STX16: variants seen among roughly 807,000 people sequenced by gnomAD.
The protein encoded by STX16 is syntaxin 16.
STX16 carries 28 observed loss-of-function variants against 42.7 expected under a neutral mutation model. The observed-to-expected ratio is 0.66, with a 90% CI of 0.49 to 0.90. The LOEUF is 0.90. Ranked by LOEUF, STX16 falls within the 40% of genes least tolerant of loss-of-function variation. The pLI is 0.00. For missense variants in STX16, 361 were observed against 420.9 expected (o/e 0.86, Z 1.24); for synonymous variants, 156 against 155.2 (o/e 1.00, Z -0.04).
intron 6 of STX16, 43 bp from the exon 7 acceptor site, chr20:58,671,111 A>T: frequency 6.4e-7 from 1 of 1,551,516 alleles, no homozygotes. Flanking sequence ...CTTTCCTGAG[A>T]GGGAAAACAA....
intron 2 of STX16, among the ~76,000 whole-genome samples, chr20:58,663,000 T>G (rs953630087): frequency 3.9e-5 from 6 of 152,240 alleles, no homozygotes; most frequent in African/African-American, 1.2e-4. Context: ...AGCCTAATTG[T>G]CTATTAGCGA....
intron 2 of STX16, 31 bp from the exon 3 acceptor site, chr20:58,667,459 A>AT: frequency 1.3e-6 from 2 of 1,582,750 alleles, no homozygotes; most frequent in Non-Finnish European, 1.7e-6. Context: ...GATTAGAATA[A>AT]TTTTTTTCAT....
intron 1 of STX16, 104 bp from the exon 2 acceptor site, chr20:58,659,519 T>A: frequency 8.7e-7 from 1 of 1,155,034 alleles, no homozygotes; most frequent in Non-Finnish European, 1.2e-6. Context: ...AAAATCTCAG[T>A]GTTTTCTCAA....
At chr20:58,656,991 CTG>C (rs1474602040) in intron 1 of STX16, among the ~76,000 whole-genome samples, 1 of 152,214 alleles carries the variant, frequency 6.6e-6, no homozygotes, top group Non-Finnish European at 1.5e-5. Flanking sequence ...TGGCTGGGGG[CTG>C]TGATTGGAAC....
chr20:58,669,698 C>T (rs1467036941), intron 5 of STX16, among the ~76,000 whole-genome samples: 2 of 152,110 alleles, frequency 1.3e-5, no homozygotes, highest in East Asian at 3.8e-4. Context: ...TCTCAGCAAA[C>T]AAAATTTGTT....
At chr20:58,659,086 C>T (rs980376562) in intron 1 of STX16, among the ~76,000 whole-genome samples, 3 of 152,220 alleles carry the variant, frequency 2.0e-5, no homozygotes, top group Non-Finnish European at 2.9e-5. Context: ...TATGTGGTCA[C>T]TCACATGTTA....
intron 3 of STX16, 28 bp downstream of exon 3, chr20:58,667,625 C>T: frequency 6.3e-7 from 1 of 1,582,176 alleles, no homozygotes; most frequent in Non-Finnish European, 8.7e-7. Context: ...TTCATAGCAT[C>T]TTGTTTTTTT....
In STX16 at chr20:58,651,751, G is replaced by C. The variant is rs1339323284; in HGVS notation, c.-256G>C. 1.9e-5 allele frequency: 8 copies of C among 427,708 alleles called. No individual in the cohort carries two copies. The East Asian group carries it at 3.6e-4, about 19-fold the overall frequency. 26.5% of individuals were successfully genotyped at this position (427,708 alleles called of 1,614,324 possible). A position where few individuals can be genotyped will look rare whatever the true frequency, so the allele number is the denominator to read the frequency against. ...TGGATCGCTACGCAAGGATTGGGGG[G>C]ATTCAAGTGCTTAGAGATCGAAGTC... On this transcript the variant is annotated 5_prime_UTR_variant, in exon 1 of 9. Coordinates refer to ENST00000371141, the MANE Select transcript of STX16 (RefSeq NM_001001433.3).
chr20:58,677,729 C>T lies in STX16; in HGVS notation c.*1438C>T, dbSNP rs1009091467. On this transcript the variant is annotated 3_prime_UTR_variant, in exon 9 of 9. Transcript: ENST00000371141. ...TTTGGACCAGTCACACAAAATGTCT[C>T]TCTAGAGTTGACTTTAAAGTTGTTT... 6.6e-6 allele frequency: 1 copy of T among 152,216 alleles called. No homozygotes were observed. The highest frequency in any genetic ancestry group is 2.4e-5 in the African/African-American group (1 of 41,460). 9.4% of individuals were successfully genotyped at this position (152,216 alleles called of 1,614,324 possible).
intron 2 of STX16, among the ~76,000 whole-genome samples, chr20:58,666,618 C>T (rs1011284971): frequency 3.3e-5 from 5 of 152,016 alleles, no homozygotes; most frequent in South Asian, 2.1e-4. Context: ...TAGTAGAGAA[C>T]GGTTTTCACC....
At position 58,668,252 on chromosome 20, in the gene STX16, T is replaced by G. The variant is rs143157253; in HGVS notation, c.393+125T>G. The G allele has an allele frequency of 8.0e-4, 1,022 of 1,274,396 alleles. 2 individuals are homozygous for G. The African/African-American group carries it at 0.013, about 16-fold the overall frequency. 78.9% of individuals were successfully genotyped at this position (1,274,396 alleles called of 1,614,324 possible). On this transcript the variant is annotated intron_variant, in intron 4 of 8. Coordinates refer to ENST00000371141, the MANE Select transcript of STX16 (RefSeq NM_001001433.3). ...CCAACCTGAAGTTCTCAGAGGGACC[T>G]CAAGAGGCCCTGAAGTCCTCCAGCT...
chr20:58,670,628 A>C (rs1249321876), intron 6 of STX16, 25 bp downstream of exon 6: 9 of 1,593,950 alleles, frequency 5.6e-6, no homozygotes, highest in African/African-American at 1.3e-5. Context: ...TGCAAAGCTG[A>C]TTGCTGTGTC....
intron 2 of STX16, among the ~76,000 whole-genome samples, chr20:58,666,664 G>A (rs1396750884): frequency 1.3e-5 from 2 of 152,114 alleles, no homozygotes; most frequent in African/African-American, 4.8e-5. Context: ...CCTGACCTCA[G>A]ATGATCTGCC....
In STX16 at chr20:58,665,220, CCT is replaced by C. The variant is rs1317792100; in HGVS notation, c.145-2265_145-2264del. ...TGCTCTGTAGAGGGTGAGGTCTGCG[CCT>C]CTCTGTCCACGGATGGTCAGTAAGA... On this transcript the variant is annotated intron_variant, in intron 2 of 8. Coordinates refer to ENST00000371141, the MANE Select transcript of STX16 (RefSeq NM_001001433.3). 4.6e-5 allele frequency among the ~76,000 whole-genome samples: 7 copies of C among 152,362 alleles called. No individual in the cohort carries two copies. In the South Asian group the frequency reaches 1.0e-3, roughly 23 times the overall value.
chr20:58,674,315 T>A (rs2084051698), intron 8 of STX16, among the ~76,000 whole-genome samples: 1 of 152,290 alleles, frequency 6.6e-6, no homozygotes, highest in South Asian at 2.1e-4. Context: ...AAAAAATAGA[T>A]GGAAAGCATC....
At chr20:58,658,498 T>A (rs1175361165) in intron 1 of STX16, among the ~76,000 whole-genome samples, 1 of 152,202 alleles carries the variant, frequency 6.6e-6, no homozygotes, top group Non-Finnish European at 1.5e-5. Flanking sequence ...TCTAATTGAA[T>A]TTTTACGTGG....
chr20:58,660,960 A>G (rs577617848), intron 2 of STX16, among the ~76,000 whole-genome samples: 1 of 151,340 alleles, frequency 6.6e-6, no homozygotes, highest in Non-Finnish European at 1.5e-5. Context: ...ACACCACTCA[A>G]CGGGTAGCTG....
chr20:58,660,124 T>C, intron 2 of STX16, among the ~76,000 whole-genome samples: 1 of 152,208 alleles, frequency 6.6e-6, no homozygotes, highest in East Asian at 1.9e-4. Flanking sequence ...CCTGGAGCTA[T>C]TGTCACCTGG....
Position 58,667,993 on chromosome 20 carries a change from T to C in STX16, c.259T>C (p.Tyr87His). 6.2e-7 allele frequency: 1 copy of C among 1,614,250 alleles called. No individual in the cohort carries two copies. Among genetic ancestry groups the C allele is most frequent in the South Asian group, 1.1e-5 (1 of 91,092 alleles). Residue 87 changes from tyrosine (Y) to histidine (H), a missense_variant, in exon 4 of 9, where the codon TAT (tyrosine) becomes CAT (histidine). By Grantham distance (83) the Tyr-to-His change is moderately conservative. Transcript: ENST00000371141. ...KWVDGVDEIQ[Y>H]DVGRIKQKMK... The stretch of plus-strand genomic sequence containing the variant: ...TGTGACTTCATTTGCTTAGATTCAG[T>C]ATGATGTTGGCCGGATTAAGCAGAA...
Sources: allele counts gnomAD v4.1 joint callset (sites outside exome capture counted in the v4.1 genomes callset), GRCh38; gene constraint gnomAD v4.1.1; transcripts MANE v1.5; gene names NCBI Gene and HGNC (gene_info 2026-07-23, HGNC 2026-07-21).